Variants in CNTN6 observed in about 807,000 individuals in gnomAD.
The protein encoded by CNTN6 is contactin-6.
CNTN6 carries 137 observed loss-of-function variants against 122.8 expected under a neutral mutation model. That is an observed-to-expected ratio of 1.12 (90% CI 0.97 to 1.29). The LOEUF (loss-of-function observed/expected upper bound fraction) is 1.29. Ranked by LOEUF, CNTN6 falls within the 50% of genes most tolerant of loss-of-function variation. The pLI is 0.00. For missense variants in CNTN6, 1,634 were observed against 1,223.4 expected (o/e 1.34, Z -5.01); for synonymous variants, 570 against 426.0 (o/e 1.34, Z -4.16).
intron 3 of CNTN6, among the ~76,000 whole-genome samples, chr3:1,221,168 G>A (rs2094202843): frequency 6.6e-6 from 1 of 151,576 alleles, no homozygotes; most frequent in Non-Finnish European, 1.5e-5. Flanking sequence ...AGAGAAGAGA[G>A]ATAGGGGAGA....
At chr3:1,337,935 TG>T (rs1168096559) in intron 11 of CNTN6, among the ~76,000 whole-genome samples, 2 of 152,058 alleles carry the variant, frequency 1.3e-5, no homozygotes, top group Non-Finnish European at 2.9e-5. Flanking sequence ...TCCACTGATC[TG>T]GGGCACTCAC....
At position 1,278,475 on chromosome 3, in the gene CNTN6, G is replaced by T. The variant is rs1478921300; in HGVS notation, c.421G>T (p.Val141Leu). The change falls in exon 5 of 23, where the codon GTG becomes TTG. Residue 141 changes from valine to leucine, a missense_variant. By Grantham distance (32) the Val-to-Leu change is conservative (BLOSUM62 1). Transcript: ENST00000446702. ...TVSVREGQGV[V>L]LLCGPPPHFG... Reference sequence around the variant, plus strand: ...ATCTGTCCGAGAAGGTCAAGGTGTGGTGCTTCTCTGTGGCCCACCGCCACA... The same window carrying T: ...ATCTGTCCGAGAAGGTCAAGGTGTGTTGCTTCTCTGTGGCCCACCGCCACA... 1.9e-6 allele frequency: 3 copies of T among 1,612,560 alleles called. No homozygotes were observed. Among genetic ancestry groups the T allele is most frequent in the African/African-American group, 2.7e-5 (2 of 74,982 alleles).
At chr3:1,248,686 G>A (rs1215466263) in intron 4 of CNTN6, among the ~76,000 whole-genome samples, 2 of 151,934 alleles carry the variant, frequency 1.3e-5, no homozygotes, top group African/African-American at 4.8e-5. Context: ...CAGGTGTGGT[G>A]GTGGGCGCCT....
chr3:1,395,372 C>T (rs1303202204), intron 20 of CNTN6, among the ~76,000 whole-genome samples: 1 of 152,146 alleles, frequency 6.6e-6, no homozygotes, highest in South Asian at 2.1e-4. Context: ...AAGGGCTGCA[C>T]TAGCTTTGGA....
chr3:1,228,955 C>G (rs2094320719), intron 4 of CNTN6, among the ~76,000 whole-genome samples: 1 of 152,190 alleles, frequency 6.6e-6, no homozygotes, highest in Non-Finnish European at 1.5e-5. Flanking sequence ...ATCCCTTGAT[C>G]TACACAGAGT....
intron 4 of CNTN6, among the ~76,000 whole-genome samples, chr3:1,246,447 G>A (rs1175705610): frequency 6.6e-6 from 1 of 151,836 alleles, no homozygotes; most frequent in Non-Finnish European, 1.5e-5. Flanking sequence ...AACTTTTACT[G>A]TTATTGGAAA....
chr3:1,343,867 A>G (rs1001917588), intron 11 of CNTN6, among the ~76,000 whole-genome samples: 1 of 152,180 alleles, frequency 6.6e-6, no homozygotes, highest in African/African-American at 2.4e-5. Flanking sequence ...GCACATATTC[A>G]AAGTGATCTG....
At chr3:1,334,764 C>A (rs1702805877) in intron 11 of CNTN6, among the ~76,000 whole-genome samples, 1 of 152,040 alleles carries the variant, frequency 6.6e-6, no homozygotes, top group South Asian at 2.1e-4. Flanking sequence ...TAGCATCCAC[C>A]ACAAACCTGG....
chr3:1,294,871 G>A (rs1695943602), intron 5 of CNTN6, among the ~76,000 whole-genome samples: 1 of 152,136 alleles, frequency 6.6e-6, no homozygotes, highest in Non-Finnish European at 1.5e-5. Flanking sequence ...TTGGCAATTA[G>A]CAGTAACTGG....
intron 1 of CNTN6, among the ~76,000 whole-genome samples, chr3:1,107,108 A>T (rs2091261862): frequency 6.6e-6 from 1 of 152,100 alleles, no homozygotes; most frequent in Admixed American, 6.6e-5. Flanking sequence ...TGCTAGTTTT[A>T]TCTGGAAACA....
chr3:1,374,040 G>T lies in CNTN6; in HGVS notation c.2062G>T (p.Glu688Ter). The T allele has an allele frequency of 6.2e-7, 1 of 1,612,850 alleles. No individual in the cohort carries two copies. The highest frequency in any genetic ancestry group is 8.5e-7 in the Non-Finnish European group (1 of 1,179,150). Residue 688 changes from glutamate (E) to a stop codon, truncating the protein, a stop_gained, in exon 16 of 23, where the codon GAA becomes TAA. Coordinates refer to ENST00000446702, the MANE Select transcript of CNTN6 (RefSeq NM_001289080.2). LOFTEE classifies it high-confidence loss of function. ...CAGCATTGGGATTGGAGAACCAAGTGAACCATCAGAATTGTTAAGAACTAA... is the reference window on the plus strand; with the variant it reads ...CAGCATTGGGATTGGAGAACCAAGTTAACCATCAGAATTGTTAAGAACTAA... ...GNSIGIGEPS[E>*]PSELLRTKAS...
Position 1,115,282 on chromosome 3 carries a change from A to G in CNTN6, c.-83+22162A>G, listed in dbSNP as rs556290313. 9.7e-4 allele frequency among the ~76,000 whole-genome samples: 148 copies of G among 152,314 alleles called. 1 individual carries two copies. The highest frequency in any genetic ancestry group is 1.7e-3 in the Non-Finnish European group (113 of 68,026). ...CAAGCCACAATGATGAGCACAGATAAATGAATGTATTGCTAGGGTTATCAC... is the reference window on the plus strand; with the variant it reads ...CAAGCCACAATGATGAGCACAGATAGATGAATGTATTGCTAGGGTTATCAC... On this transcript the variant is annotated intron_variant, in intron 1 of 22. Coordinates refer to ENST00000446702, the MANE Select transcript of CNTN6 (RefSeq NM_001289080.2).
chr3:1,394,635 T>C (rs1560032144), intron 20 of CNTN6, among the ~76,000 whole-genome samples: 1 of 152,212 alleles, frequency 6.6e-6, no homozygotes, highest in Non-Finnish European at 1.5e-5. Flanking sequence ...GTCATCTGAA[T>C]TTGCTAGTTT....
chr3:1,382,799 A>C, intron 17 of CNTN6, 143 bp from the exon 18 acceptor site: 1 of 585,264 alleles, frequency 1.7e-6, no homozygotes. Flanking sequence ...ATTCCAAATA[A>C]AAGTGTTTTT....
chr3:1,115,424 G>A (rs1256181696), intron 1 of CNTN6, among the ~76,000 whole-genome samples: 1 of 152,132 alleles, frequency 6.6e-6, no homozygotes, highest in African/African-American at 2.4e-5. Context: ...AGATTTTAAA[G>A]CCTTTTTCAA....
intron 2 of CNTN6, among the ~76,000 whole-genome samples, chr3:1,204,642 C>A (rs907027626): frequency 2.6e-5 from 4 of 152,132 alleles, no homozygotes; most frequent in African/African-American, 9.7e-5. Context: ...CAGTTTATCT[C>A]AAGCTTGGCC....
At chr3:1,324,855 G>A (rs961236844) in intron 8 of CNTN6, among the ~76,000 whole-genome samples, 1 of 149,546 alleles carries the variant, frequency 6.7e-6, no homozygotes, top group African/African-American at 2.6e-5. Context: ...ATGTCATCTT[G>A]AACAGGTTAC....
chr3:1,377,107 GA>G, intron 17 of CNTN6, 32 bp downstream of exon 17: 1 of 1,459,752 alleles, frequency 6.9e-7, no homozygotes, highest in Non-Finnish European at 9.4e-7. Context: ...TTATTTTGAA[GA>G]AAAGAGATTT....
Position 1,321,676 on chromosome 3 carries a change from G to T in CNTN6, c.788G>T (p.Arg263Met), listed in dbSNP as rs762174474. 2 of 1,611,436 alleles carry T rather than the reference G, an allele frequency of 1.2e-6. No individual in the cohort carries two copies. Among genetic ancestry groups the T allele is most frequent in the South Asian group, 1.1e-5 (1 of 90,992 alleles). The change falls in exon 8 of 23, where the codon AGG (arginine) becomes ATG (methionine). Residue 263 changes from arginine to methionine, a missense_variant. Arg to Met is a moderately conservative substitution (Grantham distance 91, BLOSUM62 -1). Transcript: ENST00000446702. The stretch of plus-strand genomic sequence containing the variant: ...CCAGTCCCCGATATTAGTTGGAGAA[G>T]GTTGGACGGGAGCCCGTTGCCAGGG... ...GNPVPDISWR[R>M]LDGSPLPGKV... is the part of the protein sequence containing the mutation.
Sources: gnomAD v4.1 joint callset for allele counts (sites outside exome capture counted in the v4.1 genomes callset) on GRCh38, gnomAD v4.1.1 for gene constraint, MANE v1.5 for transcripts, NCBI Gene and HGNC (gene_info 2026-07-23, HGNC 2026-07-21) for gene names.